RNF220: variants seen among roughly 807,000 people sequenced by gnomAD.
The protein encoded by RNF220 is E3 ubiquitin-protein ligase RNF220.
RNF220 carries 7 observed loss-of-function variants against 67.1 expected under a neutral mutation model. That is an observed-to-expected ratio of 0.10 (90% CI 0.06 to 0.20). The LOEUF is 0.20. RNF220 is among the 10% of genes least tolerant of loss of function. The probability of loss-of-function intolerance (pLI) is 1.00; values close to 1 mark genes in which losing one functional copy is unlikely to be tolerated. For synonymous variants in RNF220, 270 were observed against 283.2 expected (o/e 0.95, Z 0.47); for missense variants, 565 against 740.3 (o/e 0.76, Z 2.75).
At chr1:44,435,844 C>A (rs1398466429) in intron 2 of RNF220, among the ~76,000 whole-genome samples, 1 of 152,054 alleles carries the variant, frequency 6.6e-6, no homozygotes, top group African/African-American at 2.4e-5. Flanking sequence ...GCAGGAGAAT[C>A]ACTTGAACCA....
intron 2 of RNF220, among the ~76,000 whole-genome samples, chr1:44,424,869 C>T (rs1458717595): frequency 1.3e-5 from 2 of 152,212 alleles, no homozygotes; most frequent in African/African-American, 4.8e-5. Context: ...CGCTGCGGTG[C>T]CCCTTGGGCT....
Position 44,546,442 on chromosome 1 carries a change from C to T in RNF220, c.626-67723C>T, listed in dbSNP as rs560319787. 1.1e-4 allele frequency among the ~76,000 whole-genome samples: 17 copies of T among 152,308 alleles called. No homozygotes were observed. In the South Asian group the frequency reaches 2.7e-3, roughly 24 times the overall value. The stretch of plus-strand genomic sequence containing the variant: ...TTCCCCCAGCCCCCTGCTACTCACT[C>T]CCCTATATAATATTCCACGTTAGAG... On this transcript the variant is annotated intron_variant, in intron 2 of 14. Transcript: ENST00000361799.
At chr1:44,479,527 G>A (rs536025732) in intron 2 of RNF220, among the ~76,000 whole-genome samples, 1 of 152,114 alleles carries the variant, frequency 6.6e-6, no homozygotes, top group Admixed American at 6.5e-5. Flanking sequence ...GGAATGTCAG[G>A]CTGCTGTAGA....
chr1:44,507,395 A>C (rs748544560), intron 2 of RNF220, among the ~76,000 whole-genome samples: 4 of 152,046 alleles, frequency 2.6e-5, no homozygotes, highest in Non-Finnish European at 4.4e-5. Context: ...TAACTCATCA[A>C]TAGCGGAAAT....
At chr1:44,625,700 T>G (rs1189255262) in intron 4 of RNF220, among the ~76,000 whole-genome samples, 2 of 151,980 alleles carry the variant, frequency 1.3e-5, no homozygotes. Context: ...GCACACAATT[T>G]CAAGCAGACA....
chr1:44,435,946 A>G (rs998950295), intron 2 of RNF220, among the ~76,000 whole-genome samples: 1 of 152,070 alleles, frequency 6.6e-6, no homozygotes, highest in Admixed American at 6.6e-5. Flanking sequence ...AGAGGAAAAA[A>G]AAAATGGAAG....
chr1:44,508,213 C>T (rs565212576), intron 2 of RNF220, among the ~76,000 whole-genome samples: 1 of 151,264 alleles, frequency 6.6e-6, no homozygotes, highest in African/African-American at 2.4e-5. Flanking sequence ...ACTGTTTCCT[C>T]GGGCCAGGCG....
chr1:44,410,429 T>G (rs1236867052), intron 1 of RNF220, among the ~76,000 whole-genome samples: 3 of 152,206 alleles, frequency 2.0e-5, no homozygotes, highest in Non-Finnish European at 4.4e-5. Context: ...GAAAGTTATT[T>G]AAAATTTGGA....
At chr1:44,529,849 G>A (rs1480852967) in intron 2 of RNF220, among the ~76,000 whole-genome samples, 6 of 152,100 alleles carry the variant, frequency 3.9e-5, no homozygotes, top group African/African-American at 7.2e-5. Flanking sequence ...TCAGGAGTTC[G>A]AGATCAGCCT....
intron 9 of RNF220, 90 bp from the exon 10 acceptor site, chr1:44,644,905 G>C (rs1459790459): frequency 1.3e-6 from 2 of 1,545,732 alleles, no homozygotes; most frequent in African/African-American, 1.4e-5. Context: ...CAGAGTCTCA[G>C]CTTTGGCCAG....
rs1011978971 is a variant in RNF220 at position 44,417,491 on chromosome 1, G to A, written c.625+4769G>A. ...GGCGCGCCGCTCGCCTGGCGGCTGG[G>A]CTCGCTGTAGTTGTGCTCCCGCTCT... On this transcript the variant is annotated intron_variant, in intron 2 of 14. Coordinates refer to ENST00000361799, the MANE Select transcript of RNF220 (RefSeq NM_018150.4). The surrounding 1 kb of genome is among the most constrained non-coding windows in gnomAD (Gnocchi z 4.0). 2.0e-5 allele frequency among the ~76,000 whole-genome samples: 3 copies of A among 152,004 alleles called. No individual in the cohort carries two copies. The highest frequency in any genetic ancestry group is 2.9e-5 in the Non-Finnish European group (2 of 67,970).
chr1:44,474,984 T>G (rs1655166954), intron 2 of RNF220, among the ~76,000 whole-genome samples: 1 of 151,804 alleles, frequency 6.6e-6, no homozygotes, highest in Admixed American at 6.6e-5. Context: ...GATATACAAT[T>G]GGAGAATTTT....
intron 2 of RNF220, among the ~76,000 whole-genome samples, chr1:44,436,259 G>A (rs895911603): frequency 6.6e-6 from 1 of 152,092 alleles, no homozygotes; most frequent in Non-Finnish European, 1.5e-5. Context: ...CCTCTGGGGG[G>A]CCCAGCAATG....
intron 2 of RNF220, among the ~76,000 whole-genome samples, chr1:44,468,552 A>G (rs536889749): frequency 2.6e-5 from 4 of 152,314 alleles, no homozygotes; most frequent in East Asian, 3.9e-4. Flanking sequence ...CTGGAAAACA[A>G]GAGTGAAGGA....
At chr1:44,499,403 TG>T (rs1657627808) in intron 2 of RNF220, among the ~76,000 whole-genome samples, 1 of 152,182 alleles carries the variant, frequency 6.6e-6, no homozygotes, top group South Asian at 2.1e-4. Flanking sequence ...AGGTCACTAG[TG>T]ACCTCCCTAT....
At chr1:44,548,778 C>T (rs537606965) in intron 2 of RNF220, among the ~76,000 whole-genome samples, 17 of 152,220 alleles carry the variant, frequency 1.1e-4, no homozygotes, top group Non-Finnish European at 1.6e-4. Context: ...AGGCGTGAGC[C>T]ACTGCGCCCA....
chr1:44,421,400 C>T (rs926947614), intron 2 of RNF220, among the ~76,000 whole-genome samples: 2 of 152,068 alleles, frequency 1.3e-5, no homozygotes, highest in African/African-American at 2.4e-5. Context: ...CTGGGTTTCT[C>T]GTGTGTCCTT....
At chr1:44,445,485 T>G (rs1651978506) in intron 2 of RNF220, among the ~76,000 whole-genome samples, 1 of 152,174 alleles carries the variant, frequency 6.6e-6, no homozygotes, top group African/African-American at 2.4e-5. Flanking sequence ...AATTTCTTAC[T>G]CCGGCTCTTG....
At chr1:44,472,029 A>G (rs1476851161) in intron 2 of RNF220, among the ~76,000 whole-genome samples, 7 of 151,746 alleles carry the variant, frequency 4.6e-5, no homozygotes, top group African/African-American at 9.7e-5. Context: ...TTTTACTACT[A>G]TTGTAGCATG....
Sources: allele counts gnomAD v4.1 joint callset (sites outside exome capture counted in the v4.1 genomes callset), GRCh38; gene constraint gnomAD v4.1.1; non-coding constraint Gnocchi (gnomAD v3.1); transcripts MANE v1.5; gene names NCBI Gene and HGNC (gene_info 2026-07-23, HGNC 2026-07-21).